The following MTUS2 variants were observed in gnomAD, a reference collection of about 807,000 sequenced individuals.
The protein encoded by MTUS2 is microtubule associated scaffold protein 2.
Under a neutral mutation model 114.1 loss-of-function variants are expected in MTUS2, and 40 were observed. The observed-to-expected ratio is 0.35, with a 90% confidence interval of 0.27 to 0.46. The LOEUF is 0.46. MTUS2 is among the 20% of genes least tolerant of loss of function. The pLI is 1.00. For synonymous variants in MTUS2, 688 were observed against 672.0 expected (o/e 1.02, Z -0.37); for missense variants, 1,679 against 1,705.4 (o/e 0.98, Z 0.27).
At chr13:28,821,722 G>GA (rs1190566170) in intron 1 of MTUS2, among the ~76,000 whole-genome samples, 1 of 152,236 alleles carries the variant, frequency 6.6e-6, no homozygotes, top group African/African-American at 2.4e-5. Flanking sequence ...CCAGGGGTGA[G>GA]ACCCATTGTG....
At chr13:29,389,274 T>C (rs1187646050) in intron 8 of MTUS2, among the ~76,000 whole-genome samples, 1 of 150,410 alleles carries the variant, frequency 6.6e-6, no homozygotes, top group Non-Finnish European at 1.5e-5. Flanking sequence ...TGTATATATG[T>C]ATATATGTAT....
intron 8 of MTUS2, among the ~76,000 whole-genome samples, chr13:29,424,029 TA>T (rs1876317821): frequency 1.7e-5 from 1 of 57,920 alleles, no homozygotes; most frequent in Non-Finnish European, 3.9e-5. Context: ...CATGCCTGGC[TA>T]ATTTTTTTTT....
chr13:29,067,824 T>C (rs1888731046), intron 4 of MTUS2, among the ~76,000 whole-genome samples: 1 of 152,032 alleles, frequency 6.6e-6, no homozygotes, highest in African/African-American at 2.4e-5. Context: ...AATGAGGGAT[T>C]GAGGTCACAT....
At chr13:29,210,887 T>C (rs2139280764) in intron 5 of MTUS2, among the ~76,000 whole-genome samples, 1 of 152,124 alleles carries the variant, frequency 6.6e-6, no homozygotes, top group South Asian at 2.1e-4. Context: ...GTGCACTGGA[T>C]TAGTGTTGGT....
At chr13:29,302,515 A>T (rs1899250248) in intron 6 of MTUS2, among the ~76,000 whole-genome samples, 1 of 152,122 alleles carries the variant, frequency 6.6e-6, no homozygotes, top group Non-Finnish European at 1.5e-5. Flanking sequence ...TTCCATCCAT[A>T]CATATCCCTA....
intron 5 of MTUS2, among the ~76,000 whole-genome samples, chr13:29,248,680 A>G (rs1315721142): frequency 1.3e-5 from 2 of 151,862 alleles, no homozygotes; most frequent in Non-Finnish European, 2.9e-5. Flanking sequence ...CCTTGTGTCC[A>G]TGTGTTCTCA....
chr13:28,999,005 C>T (rs1323827532), intron 2 of MTUS2, among the ~76,000 whole-genome samples: 1 of 152,058 alleles, frequency 6.6e-6, no homozygotes, highest in Non-Finnish European at 1.5e-5. Context: ...TCTGTTTTTT[C>T]CCCATCTTTG....
At chr13:29,223,713 C>G (rs947476130) in intron 5 of MTUS2, among the ~76,000 whole-genome samples, 10 of 152,178 alleles carry the variant, frequency 6.6e-5, no homozygotes, top group African/African-American at 2.2e-4. Context: ...CTGAAACATG[C>G]CCCTTGCTCA....
chr13:28,970,402 C>T (rs1883798796), intron 2 of MTUS2, among the ~76,000 whole-genome samples: 1 of 152,190 alleles, frequency 6.6e-6, no homozygotes, highest in African/African-American at 2.4e-5. Context: ...TCTGTCCTGC[C>T]ACCTGTATTT....
intron 8 of MTUS2, among the ~76,000 whole-genome samples, chr13:29,383,250 G>GTATATATATATATATATATATATATTTA (rs763660299): frequency 1.6e-5 from 1 of 64,388 alleles, no homozygotes; most frequent in African/African-American, 3.5e-5. Context: ...GTGTGTGTGT[G>GTATATATATATATATATATATATATTTA]TGTATTTATT....
intron 2 of MTUS2, among the ~76,000 whole-genome samples, chr13:28,939,019 A>G (rs1211474626): frequency 1.3e-5 from 2 of 152,336 alleles, no homozygotes; most frequent in African/African-American, 2.4e-5. Context: ...CTTTTCAGGA[A>G]TTAACCAAAG....
intron 5 of MTUS2, among the ~76,000 whole-genome samples, chr13:29,113,547 G>A (rs1375702356): frequency 6.6e-6 from 1 of 152,172 alleles, no homozygotes; most frequent in Non-Finnish European, 1.5e-5. Flanking sequence ...CCATTGAAAT[G>A]GGGCTGGCAT....
intron 4 of MTUS2, among the ~76,000 whole-genome samples, chr13:29,056,530 A>G (rs1303074726): frequency 6.6e-6 from 1 of 152,002 alleles, no homozygotes; most frequent in Non-Finnish European, 1.5e-5. Flanking sequence ...TGTTATTCAT[A>G]TGTTCAGGGA....
At chr13:29,005,541 G>C (rs557298560) in intron 2 of MTUS2, among the ~76,000 whole-genome samples, 3 of 152,242 alleles carry the variant, frequency 2.0e-5, no homozygotes, top group African/African-American at 7.2e-5. Flanking sequence ...AGAGGAGTCG[G>C]GAGGAAGCAT....
intron 2 of MTUS2, among the ~76,000 whole-genome samples, chr13:28,876,241 G>T (rs1032824182): frequency 6.6e-6 from 1 of 152,176 alleles, no homozygotes; most frequent in African/African-American, 2.4e-5. Flanking sequence ...ATATTGGGTT[G>T]GGGTCTGTGT....
chr13:29,504,719 G>A lies in MTUS2; in HGVS notation c.*1513G>A, dbSNP rs1038900245. The A allele has an allele frequency of 8.6e-6, 2 of 233,230 alleles. No homozygotes were observed. The highest frequency in any genetic ancestry group is 4.4e-5 in the African/African-American group (2 of 45,348). 14.4% of individuals were successfully genotyped at this position (233,230 alleles called of 1,614,324 possible). On this transcript the variant is annotated 3_prime_UTR_variant, in exon 16 of 16. Transcript: ENST00000612955. ...TTTTAACAGATATGGTGATGATGAT[G>A]ATGCCCTTGTTTCCTGTATGTGACA...
rs75096946 is a variant in MTUS2, at chr13:28,935,166, A to G, written c.-242-89291A>G. On this transcript the variant is annotated intron_variant, in intron 2 of 15. Coordinates refer to ENST00000612955, the MANE Select transcript of MTUS2 (RefSeq NM_001033602.4). ...TTTCTTCATTGCTGTGAAGTGTCCT[A>G]TAGTATGAATAGCCCACACTTTATC... Among the ~76,000 whole-genome samples, 9 of 152,096 alleles carry G rather than the reference A, an allele frequency of 5.9e-5. No individual in the cohort carries two copies. The East Asian group carries it at 9.6e-4, about 16-fold the overall frequency.
chr13:28,979,647 A>C (rs1010714702), intron 2 of MTUS2, among the ~76,000 whole-genome samples: 1 of 152,142 alleles, frequency 6.6e-6, no homozygotes, highest in African/African-American at 2.4e-5. Context: ...TTTTGTTGCT[A>C]TCTTGGAGTC....
intron 2 of MTUS2, among the ~76,000 whole-genome samples, chr13:28,887,058 G>A (rs1878633015): frequency 1.3e-5 from 2 of 152,218 alleles, no homozygotes; most frequent in Non-Finnish European, 2.9e-5. Context: ...TCGAGTTGGA[G>A]ATCAGCGGAG....
Sources: gnomAD v4.1 joint callset for allele counts (sites outside exome capture counted in the v4.1 genomes callset) on GRCh38, gnomAD v4.1.1 for gene constraint, MANE v1.5 for transcripts, NCBI Gene and HGNC (gene_info 2026-07-23, HGNC 2026-07-21) for gene names.